Variants in LINC01488 observed in about 807,000 individuals in gnomAD.
LINC01488 encodes CCND1-upstream intergenic DNA repair 1.
chr11:69,487,701 G>T (rs906086427), intron 1 of LINC01488, among the ~76,000 whole-genome samples: 1 of 152,164 alleles, frequency 6.6e-6, no homozygotes, highest in Non-Finnish European at 1.5e-5. Flanking sequence ...GTGTGGGTGG[G>T]TGTCTCTTGT....
At chr11:69,484,534 GT>G (rs1482303031) in intron 1 of LINC01488, among the ~76,000 whole-genome samples, 1 of 152,234 alleles carries the variant, frequency 6.6e-6, no homozygotes, top group African/African-American at 2.4e-5. Context: ...TTACAGAGGT[GT>G]TTTCACAAAG....
intron 1 of LINC01488, among the ~76,000 whole-genome samples, chr11:69,489,972 C>T (rs2134975086): frequency 6.6e-6 from 1 of 152,308 alleles, no homozygotes; most frequent in South Asian, 2.1e-4. Context: ...CCTCATGCAC[C>T]TGAGTCAGCT....
chr11:69,491,582 CA>C (rs1857220812), intron 3 of LINC01488: 1 of 152,376 alleles, frequency 6.6e-6, no homozygotes, highest in South Asian at 2.1e-4. Context: ...CTGCCTGAAC[CA>C]GCCCTGGGCC....
At chr11:69,481,767 C>T (rs952631691) in exon 1 of LINC01488, 2 of 152,292 alleles carry the variant, frequency 1.3e-5, no homozygotes, top group African/African-American at 4.8e-5. Context: ...AGGGCTAGAC[C>T]AGGCTCCATC....
chr11:69,485,029 G>A (rs545419564), intron 1 of LINC01488, among the ~76,000 whole-genome samples: 86 of 152,264 alleles, frequency 5.6e-4, no homozygotes, highest in East Asian at 1.9e-3. Flanking sequence ...CCAACCCCCC[G>A]CCACCACCAC....
chr11:69,483,645 G>A (rs1044847486), intron 1 of LINC01488, among the ~76,000 whole-genome samples: 10 of 152,168 alleles, frequency 6.6e-5, no homozygotes, highest in African/African-American at 1.2e-4. Flanking sequence ...TCAGGCCCAC[G>A]TCCAGAGGGG....
At chr11:69,491,744 C>T (rs1036796866) in intron 3 of LINC01488, 2 of 152,492 alleles carry the variant, frequency 1.3e-5, no homozygotes, top group East Asian at 3.8e-4. Context: ...GCTCTATCAG[C>T]AAACTCAGCA....
chr11:69,487,237 G>T (rs1857138612), intron 1 of LINC01488, among the ~76,000 whole-genome samples: 1 of 152,172 alleles, frequency 6.6e-6, no homozygotes, highest in Admixed American at 6.5e-5. Flanking sequence ...GGGAGGAGGA[G>T]AGCGGAGGAT....
chr11:69,483,590 G>A (rs1464162815), intron 1 of LINC01488, among the ~76,000 whole-genome samples: 2 of 152,204 alleles, frequency 1.3e-5, no homozygotes, highest in East Asian at 1.9e-4. Context: ...TGTGACCCGG[G>A]CTCAGAGGGC....
intron 1 of LINC01488, among the ~76,000 whole-genome samples, chr11:69,482,786 C>T (rs75445148): frequency 0.026 from 3,988 of 152,284 alleles, 177 homozygotes; most frequent in African/African-American, 0.09. Context: ...GGAGGCTAGA[C>T]GTCTGAGATC....
intron 1 of LINC01488, among the ~76,000 whole-genome samples, chr11:69,482,863 C>T (rs930147425): frequency 9.9e-5 from 15 of 152,198 alleles, no homozygotes; most frequent in South Asian, 4.1e-4. Flanking sequence ...CTTCTCCTCA[C>T]ATTTTCACAG....
chr11:69,482,117 C>T (rs916027899), intron 1 of LINC01488, among the ~76,000 whole-genome samples: 6 of 152,098 alleles, frequency 3.9e-5, no homozygotes, highest in African/African-American at 1.2e-4. Context: ...GTTTAATGGA[C>T]TCACAGTTCC....
intron 1 of LINC01488, among the ~76,000 whole-genome samples, chr11:69,483,986 G>T (rs566461824): frequency 1.3e-5 from 2 of 152,214 alleles, no homozygotes; most frequent in Non-Finnish European, 2.9e-5. Context: ...TGGGGCTCTG[G>T]GTGATGCCCG....
intron 1 of LINC01488, among the ~76,000 whole-genome samples, chr11:69,484,024 C>T (rs1347040183): frequency 6.6e-6 from 1 of 152,228 alleles, no homozygotes. Flanking sequence ...ACACGGGCAG[C>T]TCCCGCTCTC....
At chr11:69,488,643 G>A (rs1401609138) in intron 1 of LINC01488, among the ~76,000 whole-genome samples, 2 of 152,230 alleles carry the variant, frequency 1.3e-5, no homozygotes, top group African/African-American at 2.4e-5. Context: ...TGTCGGGGGC[G>A]ATCACCATGC....
intron 1 of LINC01488, among the ~76,000 whole-genome samples, chr11:69,482,439 G>C (rs1350596895): frequency 6.6e-6 from 1 of 151,990 alleles, no homozygotes; most frequent in Non-Finnish European, 1.5e-5. Flanking sequence ...TGGATGGATG[G>C]ACGAGTGGAT....
intron 1 of LINC01488, among the ~76,000 whole-genome samples, chr11:69,482,433 T>A (rs952734363): frequency 6.6e-6 from 1 of 151,914 alleles, no homozygotes; most frequent in Non-Finnish European, 1.5e-5. Context: ...GATGAGTGGA[T>A]GGATGGACGA....
At chr11:69,488,005 C>A (rs1435109564) in intron 1 of LINC01488, 2 of 152,466 alleles carry the variant, frequency 1.3e-5, no homozygotes, top group South Asian at 2.1e-4. Context: ...GGCCCTTTGG[C>A]CTTCTGGGCC....
chr11:69,487,205 G>T (rs527729339), intron 1 of LINC01488, among the ~76,000 whole-genome samples: 2 of 152,324 alleles, frequency 1.3e-5, no homozygotes, highest in East Asian at 3.9e-4. Context: ...GCTTGGAGCT[G>T]GCACAGAAGA....
Sources: allele counts gnomAD v4.1 joint callset (sites outside exome capture counted in the v4.1 genomes callset), GRCh38; gene constraint gnomAD v4.1.1; transcripts MANE v1.5; gene names NCBI Gene and HGNC (gene_info 2026-07-23, HGNC 2026-07-21).